The following CLMN variants were observed in gnomAD, a reference collection of about 807,000 sequenced individuals.
CLMN encodes the protein calmin.
In CLMN, 57 loss-of-function variants were observed where a neutral mutation model predicts 92.7. That is an observed-to-expected ratio of 0.61 (90% CI 0.50 to 0.77). CLMN has a LOEUF of 0.77. CLMN is among the 30% of genes least tolerant of loss of function. CLMN has a pLI of 0.00. For synonymous variants in CLMN, 466 were observed against 470.6 expected (o/e 0.99, Z 0.13); for missense variants, 1,158 against 1,237.5 (o/e 0.94, Z 0.96).
At chr14:95,248,365 C>T (rs547408928) in intron 1 of CLMN, among the ~76,000 whole-genome samples, 1 of 152,188 alleles carries the variant, frequency 6.6e-6, no homozygotes, top group Non-Finnish European at 1.5e-5. Context: ...GAGACCTTGA[C>T]TCAAATATTT....
In CLMN at chr14:95,255,205, T is replaced by G. The variant is rs568729497; in HGVS notation, c.83-25072A>C. Among the ~76,000 whole-genome samples the G allele has an allele frequency of 3.6e-3, 544 of 152,278 alleles. 9 individuals are homozygous for G. The highest frequency in any genetic ancestry group is 0.013 in the African/African-American group (526 of 41,548). On this transcript the variant is annotated intron_variant, in intron 1 of 12. Coordinates refer to ENST00000298912, the MANE Select transcript of CLMN (RefSeq NM_024734.4). Reference sequence around the variant, plus strand: ...CCTGCCGGCACCTTGATCCTGGACTTCCAGCCTCCAGCACTATAGGAAAAT... The same window carrying G: ...CCTGCCGGCACCTTGATCCTGGACTGCCAGCCTCCAGCACTATAGGAAAAT...
intron 1 of CLMN, among the ~76,000 whole-genome samples, chr14:95,276,379 C>T (rs1899928615): frequency 6.6e-6 from 1 of 152,192 alleles, no homozygotes; most frequent in Admixed American, 6.5e-5. Context: ...CCTTTGCGCT[C>T]TTTGCTGTCA....
chr14:95,258,259 T>G (rs565367327), intron 1 of CLMN, among the ~76,000 whole-genome samples: 1 of 150,498 alleles, frequency 6.6e-6, no homozygotes, highest in African/African-American at 2.4e-5. Flanking sequence ...TATATGTATG[T>G]ATCTGTGACA....
chr14:95,267,103 G>A (rs559976622), intron 1 of CLMN, among the ~76,000 whole-genome samples: 1 of 152,234 alleles, frequency 6.6e-6, no homozygotes, highest in South Asian at 2.1e-4. Flanking sequence ...AATGCTCCAG[G>A]ACATTGGTTT....
rs1255370324 is a variant in CLMN, at chr14:95,194,246, G to A, written c.2769+290C>T. Reference sequence around the variant, plus strand: ...TCATGTTGCACCTCTGTCTCTGAACGTGATCCTTCTGGGTGCGCGCGGGGT... The same window carrying A: ...TCATGTTGCACCTCTGTCTCTGAACATGATCCTTCTGGGTGCGCGCGGGGT... On this transcript the variant is annotated intron_variant, in intron 11 of 12. Coordinates refer to ENST00000298912, the MANE Select transcript of CLMN (RefSeq NM_024734.4). The surrounding 1 kb of genome is among the most constrained non-coding windows in gnomAD (Gnocchi z 4.0). 9 of 1,388,274 alleles carry A rather than the reference G, an allele frequency of 6.5e-6. No individual in the cohort carries two copies. The highest frequency in any genetic ancestry group is 4.5e-5 in the African/African-American group (3 of 66,986). 86.0% of individuals were successfully genotyped at this position (1,388,274 alleles called of 1,614,324 possible).
chr14:95,315,461 G>A lies in CLMN; in HGVS notation c.82+4250C>T, dbSNP rs191586477. Among the ~76,000 whole-genome samples the A allele has an allele frequency of 3.6e-4, 55 of 152,278 alleles. No individual in the cohort carries two copies. The East Asian group carries it at 6.2e-3, about 17-fold the overall frequency. Reference sequence around the variant, plus strand: ...GTGGCTGGGTGGTGGGTGGAAAGCCGTAAAGAAGTCAGTGACTGCGGAGTC... The same window carrying A: ...GTGGCTGGGTGGTGGGTGGAAAGCCATAAAGAAGTCAGTGACTGCGGAGTC... On this transcript the variant is annotated intron_variant, in intron 1 of 12. Coordinates refer to ENST00000298912, the MANE Select transcript of CLMN (RefSeq NM_024734.4).
intron 9 of CLMN, among the ~76,000 whole-genome samples, chr14:95,198,514 G>A (rs531641149): frequency 1.3e-5 from 2 of 151,950 alleles, no homozygotes; most frequent in African/African-American, 4.8e-5. Context: ...GGCTGCACTT[G>A]GGAGCAAATT....
intron 1 of CLMN, among the ~76,000 whole-genome samples, chr14:95,233,040 T>C (rs1350694442): frequency 6.6e-6 from 1 of 152,240 alleles, no homozygotes; most frequent in Non-Finnish European, 1.5e-5. Context: ...TACTTCCAAA[T>C]TGCCCTCCCA....
intron 1 of CLMN, among the ~76,000 whole-genome samples, chr14:95,306,118 A>T (rs1901266653): frequency 6.6e-6 from 1 of 152,188 alleles, no homozygotes. Context: ...GGGGGACCAC[A>T]GGTGACAGTG....
intron 1 of CLMN, among the ~76,000 whole-genome samples, chr14:95,307,324 AG>A (rs1254346297): frequency 7.9e-5 from 12 of 152,260 alleles, no homozygotes. Flanking sequence ...TGGCCAGGGC[AG>A]ACTCCAGCAC....
At chr14:95,273,697 G>A (rs1201495447) in intron 1 of CLMN, among the ~76,000 whole-genome samples, 1 of 152,206 alleles carries the variant, frequency 6.6e-6, no homozygotes, top group African/African-American at 2.4e-5. Context: ...GGGAGGTGAA[G>A]AAAGAAGGTG....
chr14:95,236,010 T>C (rs1898043075), intron 1 of CLMN, among the ~76,000 whole-genome samples: 2 of 152,142 alleles, frequency 1.3e-5, no homozygotes, highest in African/African-American at 4.8e-5. Flanking sequence ...GACATTTGAA[T>C]GGGTGAGCCT....
rs565427972 is a variant in CLMN, at chr14:95,280,417, A to G, written c.82+39294T>C. 7.7e-4 allele frequency among the ~76,000 whole-genome samples: 117 copies of G among 152,346 alleles called. 1 individual carries two copies. Among genetic ancestry groups the G allele is most frequent in the African/African-American group, 2.8e-3 (117 of 41,582 alleles). On this transcript the variant is annotated intron_variant, in intron 1 of 12. Coordinates refer to ENST00000298912, the MANE Select transcript of CLMN (RefSeq NM_024734.4). The stretch of plus-strand genomic sequence containing the variant: ...TAAAAGATTTTTATTTGCCTTTTAA[A>G]TACAGGAAAAAGAAGGGAAATAAAA...
rs1173329905 is a variant in CLMN at position 95,194,259 on chromosome 14, G to A, written c.2769+277C>T. 16 of 1,390,266 alleles carry A rather than the reference G, an allele frequency of 1.2e-5. No individual in the cohort carries two copies. Among genetic ancestry groups the A allele is most frequent in the Non-Finnish European group, 1.5e-5 (16 of 1,078,300 alleles). The allele number at this position is 1,390,266 out of a possible 1,614,324, so 86.1% of individuals were successfully genotyped here. On this transcript the variant is annotated intron_variant, in intron 11 of 12. Coordinates refer to ENST00000298912, the MANE Select transcript of CLMN (RefSeq NM_024734.4). The surrounding 1 kb of genome is among the most constrained non-coding windows in gnomAD (Gnocchi z 4.0). ...CTGTCTCTGAACGTGATCCTTCTGGGTGCGCGCGGGGTCCAGGTGAGGCGT... is the reference window on the plus strand; with the variant it reads ...CTGTCTCTGAACGTGATCCTTCTGGATGCGCGCGGGGTCCAGGTGAGGCGT...
rs1413066097 is a variant in CLMN, at chr14:95,184,208, T to C, written c.*7356A>G. ...AAGCTCAGAAGTTAGTTTGCCAAGA[T>C]CACCCAGAGATCTGGTGACAGAGCT... On this transcript the variant is annotated 3_prime_UTR_variant, in exon 13 of 13. Coordinates refer to ENST00000298912, the MANE Select transcript of CLMN (RefSeq NM_024734.4). 2.6e-5 allele frequency: 4 copies of C among 152,218 alleles called. No homozygotes were observed. The highest frequency in any genetic ancestry group is 5.9e-5 in the Non-Finnish European group (4 of 68,042). 9.4% of individuals were successfully genotyped at this position (152,218 alleles called of 1,614,324 possible). A position where few individuals can be genotyped will look rare whatever the true frequency, so the allele number is the denominator to read the frequency against.
In CLMN at chr14:95,283,262, T is replaced by C. The variant is rs560960831; in HGVS notation, c.82+36449A>G. Reference sequence around the variant, plus strand: ...TTCTCATTTTCTCTTGCTGCTGCCATGTAAGAAATGCCTTTCACCTTCCGC... The same window carrying C: ...TTCTCATTTTCTCTTGCTGCTGCCACGTAAGAAATGCCTTTCACCTTCCGC... On this transcript the variant is annotated intron_variant, in intron 1 of 12. Transcript: ENST00000298912. Among the ~76,000 whole-genome samples, 9 of 152,324 alleles carry C rather than the reference T, an allele frequency of 5.9e-5. No homozygotes were observed. In the East Asian group the frequency reaches 9.6e-4, roughly 16 times the overall value.
At chr14:95,283,427 T>C (rs749081041) in intron 1 of CLMN, among the ~76,000 whole-genome samples, 5 of 152,206 alleles carry the variant, frequency 3.3e-5, no homozygotes, top group Non-Finnish European at 7.3e-5. Flanking sequence ...AGTGCAGCAT[T>C]GCTGAAAAGA....
intron 4 of CLMN, among the ~76,000 whole-genome samples, chr14:95,220,720 T>C (rs1343688730): frequency 2.0e-5 from 3 of 152,232 alleles, no homozygotes; most frequent in African/African-American, 7.2e-5. Flanking sequence ...CCCTGGAATG[T>C]GGGCTGAGGC....
chr14:95,319,583 G>A, intron 1 of CLMN, 128 bp downstream of exon 1: 1 of 762,944 alleles, frequency 1.3e-6, no homozygotes, highest in Non-Finnish European at 2.0e-6. Flanking sequence ...CTCCCACCTC[G>A]AGGCAAGTGA....
Sources: gnomAD v4.1 joint callset for allele counts (sites outside exome capture counted in the v4.1 genomes callset) on GRCh38, gnomAD v4.1.1 for gene constraint, Gnocchi (gnomAD v3.1) non-coding constraint, MANE v1.5 for transcripts, NCBI Gene and HGNC (gene_info 2026-07-23, HGNC 2026-07-21) for gene names.